PCDH9: variants seen among roughly 807,000 people sequenced by gnomAD.
PCDH9 encodes the protein protocadherin-9.
In PCDH9, 24 loss-of-function variants were observed where a neutral mutation model predicts 70.6. The observed-to-expected ratio is 0.34, with a 90% confidence interval of 0.25 to 0.48. The LOEUF (loss-of-function observed/expected upper bound fraction) is 0.48. Among genes scored for constraint, PCDH9 ranks in the 20% least tolerant of loss-of-function variants. The pLI is 0.99. For synonymous variants in PCDH9, 562 were observed against 558.5 expected (o/e 1.01, Z -0.09); for missense variants, 1,281 against 1,503.6 (o/e 0.85, Z 2.45).
At chr13:67,071,974 A>C (rs2138157096) in intron 2 of PCDH9, among the ~76,000 whole-genome samples, 1 of 152,094 alleles carries the variant, frequency 6.6e-6, no homozygotes, top group East Asian at 1.9e-4. Flanking sequence ...AAAAAATACC[A>C]AAGTTACAAT....
intron 2 of PCDH9, among the ~76,000 whole-genome samples, chr13:67,187,346 A>G (rs2088784703): frequency 6.6e-6 from 1 of 152,186 alleles, no homozygotes; most frequent in Admixed American, 6.5e-5. Flanking sequence ...GAGGAAAGGC[A>G]GAGTATAGAA....
At chr13:67,047,894 G>A (rs2139923087) in intron 2 of PCDH9, among the ~76,000 whole-genome samples, 1 of 152,260 alleles carries the variant, frequency 6.6e-6, no homozygotes, top group Non-Finnish European at 1.5e-5. Context: ...TACGCTACCA[G>A]TTTATCTACC....
chr13:66,703,428 T>G (rs2139112753), intron 3 of PCDH9, among the ~76,000 whole-genome samples: 1 of 152,304 alleles, frequency 6.6e-6, no homozygotes, highest in South Asian at 2.1e-4. Flanking sequence ...CCTAATGAAC[T>G]TTAGTTAATG....
At chr13:66,431,649 C>T (rs1023368633) in intron 4 of PCDH9, among the ~76,000 whole-genome samples, 1 of 151,984 alleles carries the variant, frequency 6.6e-6, no homozygotes, top group Non-Finnish European at 1.5e-5. Flanking sequence ...CACATTGACA[C>T]AATGTCTGTC....
At chr13:66,996,333 CAT>C (rs2084114733) in intron 2 of PCDH9, 1 of 151,622 alleles carries the variant, frequency 6.6e-6, no homozygotes, top group Non-Finnish European at 1.5e-5. Context: ...TGTTATATGA[CAT>C]GTTAGAACAT....
intron 4 of PCDH9, among the ~76,000 whole-genome samples, chr13:66,401,564 A>G (rs762480313): frequency 2.0e-5 from 3 of 152,034 alleles, no homozygotes; most frequent in South Asian, 2.1e-4. Flanking sequence ...ATGGTGGGGG[A>G]GAAATGCATT....
intron 2 of PCDH9, chr13:67,217,047 C>A (rs2089624154): frequency 6.6e-6 from 1 of 151,988 alleles, no homozygotes; most frequent in African/African-American, 2.4e-5. Context: ...TCCTATGTAG[C>A]TGTGTATTTG....
chr13:66,763,644 G>T (rs1024866036), intron 3 of PCDH9, among the ~76,000 whole-genome samples: 4 of 152,036 alleles, frequency 2.6e-5, no homozygotes, highest in African/African-American at 9.7e-5. Flanking sequence ...GTAGAGAGGG[G>T]AGATATTGCT....
Position 66,507,603 on chromosome 13 carries a change from CTCTG to C in PCDH9, c.3340+123603_3340+123606del, listed in dbSNP as rs373488147. Among the ~76,000 whole-genome samples the C allele has an allele frequency of 2.3e-3, 356 of 152,206 alleles. 3 individuals are homozygous for C. Among genetic ancestry groups the C allele is most frequent in the African/African-American group, 8.3e-3 (343 of 41,504 alleles). ...GTATTGAATGAAAATATAGTTGTGTCTCTGTCTGCCACGAAAATATAGGATTGCC... is the reference window on the plus strand; with the variant it reads ...GTATTGAATGAAAATATAGTTGTGTCTCTGCCACGAAAATATAGGATTGCC... On this transcript the variant is annotated intron_variant, in intron 4 of 4. Coordinates refer to ENST00000377865, the MANE Select transcript of PCDH9 (RefSeq NM_203487.3).
chr13:66,895,806 G>A (rs566190984), intron 3 of PCDH9, among the ~76,000 whole-genome samples: 1 of 152,172 alleles, frequency 6.6e-6, no homozygotes, highest in East Asian at 1.9e-4. Context: ...TCGTTGTTTT[G>A]TTATATCTTT....
At chr13:66,928,624 TTA>T (rs1311724484) in intron 2 of PCDH9, among the ~76,000 whole-genome samples, 2 of 152,002 alleles carry the variant, frequency 1.3e-5, no homozygotes, top group Admixed American at 6.6e-5. Context: ...ATTAGTGCCC[TTA>T]TAATAGAGAC....
chr13:67,004,894 G>T (rs2084320128), intron 2 of PCDH9, among the ~76,000 whole-genome samples: 1 of 152,016 alleles, frequency 6.6e-6, no homozygotes, highest in Non-Finnish European at 1.5e-5. Flanking sequence ...ATTATTATCA[G>T]CATTGTCCAA....
At chr13:67,094,253 T>C (rs977928967) in intron 2 of PCDH9, among the ~76,000 whole-genome samples, 3 of 152,188 alleles carry the variant, frequency 2.0e-5, no homozygotes, top group Non-Finnish European at 4.4e-5. Context: ...ACTCTAATCA[T>C]GCTGCTATCC....
chr13:66,370,105 ACCT>A (rs1956618579), intron 4 of PCDH9, among the ~76,000 whole-genome samples: 1 of 151,934 alleles, frequency 6.6e-6, no homozygotes, highest in Non-Finnish European at 1.5e-5. Flanking sequence ...TAGGTCCCTG[ACCT>A]CCTTTTCTTT....
intron 3 of PCDH9, among the ~76,000 whole-genome samples, chr13:66,642,569 G>T (rs1289296610): frequency 6.6e-6 from 1 of 151,904 alleles, no homozygotes; most frequent in African/African-American, 2.4e-5. Context: ...CAAATTTATG[G>T]TTTTGAATTG....
At chr13:66,341,948 ACCT>A (rs2138146861) in intron 4 of PCDH9, among the ~76,000 whole-genome samples, 1 of 152,282 alleles carries the variant, frequency 6.6e-6, no homozygotes, top group East Asian at 1.9e-4. Context: ...GCAAGTGTCC[ACCT>A]CACTTAGATT....
At chr13:66,358,511 TCTC>T (rs1956420492) in intron 4 of PCDH9, among the ~76,000 whole-genome samples, 2 of 152,134 alleles carry the variant, frequency 1.3e-5, no homozygotes, top group African/African-American at 4.8e-5. Context: ...TAAGTTCACT[TCTC>T]TATACTGGAT....
chr13:66,723,860 C>A (rs985093912), intron 3 of PCDH9, among the ~76,000 whole-genome samples: 2 of 152,202 alleles, frequency 1.3e-5, no homozygotes, highest in Non-Finnish European at 2.9e-5. Context: ...GGCCACACAA[C>A]AGTTGGACAG....
chr13:66,755,819 C>A (rs976628098), intron 3 of PCDH9, among the ~76,000 whole-genome samples: 4 of 151,980 alleles, frequency 2.6e-5, no homozygotes, highest in Non-Finnish European at 4.4e-5. Flanking sequence ...GAAAAAATTC[C>A]AAGGAATAAA....
Sources: gnomAD v4.1 joint callset for allele counts (sites outside exome capture counted in the v4.1 genomes callset) on GRCh38, gnomAD v4.1.1 for gene constraint, MANE v1.5 for transcripts, NCBI Gene and HGNC (gene_info 2026-07-23, HGNC 2026-07-21) for gene names.